RBFOX1: variants seen among roughly 807,000 people sequenced by gnomAD.
RBFOX1 encodes the protein RNA binding protein fox-1 homolog 1.
A neutral mutation model predicts 57.7 loss-of-function variants in RBFOX1; 8 were observed. That is an observed-to-expected ratio of 0.14 (90% CI 0.08 to 0.25). The LOEUF is 0.25. RBFOX1 is among the 10% of genes least tolerant of loss of function. RBFOX1 has a pLI of 1.00. For synonymous variants in RBFOX1, 326 were observed against 222.4 expected (o/e 1.47, Z -4.15); for missense variants, 611 against 548.5 (o/e 1.11, Z -1.14).
At chr16:6,333,301 C>T (rs1440950894) in intron 2 of RBFOX1, among the ~76,000 whole-genome samples, 2 of 152,192 alleles carry the variant, frequency 1.3e-5, no homozygotes. Context: ...TGCCTCAGCA[C>T]CCCAAAGCGC....
intron 1 of RBFOX1, among the ~76,000 whole-genome samples, chr16:6,270,476 C>G: frequency 8.1e-6 from 1 of 123,558 alleles, no homozygotes; most frequent in African/African-American, 3.0e-5. Context: ...AAAAAAAAAA[C>G]AACTAGAAAT....
intron 2 of RBFOX1, among the ~76,000 whole-genome samples, chr16:5,505,129 T>A (rs1046743248): frequency 6.6e-6 from 1 of 152,288 alleles, no homozygotes; most frequent in South Asian, 2.1e-4. Context: ...GAGTTATAGC[T>A]CAGTAAAGCT....
intron 4 of RBFOX1, among the ~76,000 whole-genome samples, chr16:7,113,290 C>A (rs2065182002): frequency 1.3e-5 from 2 of 152,092 alleles, no homozygotes; most frequent in South Asian, 4.2e-4. Flanking sequence ...AAGAGTAATG[C>A]TCTATAGTTT....
intron 4 of RBFOX1, among the ~76,000 whole-genome samples, chr16:5,969,395 T>C (rs1249894035): frequency 2.8e-5 from 4 of 142,682 alleles, no homozygotes; most frequent in African/African-American, 1.0e-4. Context: ...CACTGCAACC[T>C]CTGCCTTCTG....
At chr16:6,091,180 C>T (rs2096167273) in intron 1 of RBFOX1, among the ~76,000 whole-genome samples, 2 of 152,176 alleles carry the variant, frequency 1.3e-5, no homozygotes, top group African/African-American at 4.8e-5. Context: ...GGTTTGCACC[C>T]ATTAACCGAT....
At chr16:6,546,900 G>T (rs1056138635) in intron 2 of RBFOX1, among the ~76,000 whole-genome samples, 1 of 152,146 alleles carries the variant, frequency 6.6e-6, no homozygotes, top group African/African-American at 2.4e-5. Context: ...TGCTTGGTTT[G>T]TGGACCACAC....
intron 2 of RBFOX1, among the ~76,000 whole-genome samples, chr16:6,633,854 A>T (rs1244821948): frequency 6.6e-6 from 1 of 152,124 alleles, no homozygotes; most frequent in Non-Finnish European, 1.5e-5. Flanking sequence ...TAAAAAAATA[A>T]AAATAAATTA....
At chr16:7,495,757 C>G (rs1195378983) in intron 4 of RBFOX1, among the ~76,000 whole-genome samples, 1 of 152,194 alleles carries the variant, frequency 6.6e-6, no homozygotes, top group Non-Finnish European at 1.5e-5. Context: ...GTACAGTACA[C>G]ACTGCTTGGG....
At chr16:5,754,180 G>A (rs966147802) in intron 3 of RBFOX1, among the ~76,000 whole-genome samples, 2 of 152,174 alleles carry the variant, frequency 1.3e-5, no homozygotes, top group African/African-American at 4.8e-5. Flanking sequence ...GAATAGTTTT[G>A]AATCCCACCT....
At chr16:5,685,227 C>G (rs1161728947) in intron 3 of RBFOX1, among the ~76,000 whole-genome samples, 1 of 152,148 alleles carries the variant, frequency 6.6e-6, no homozygotes, top group Non-Finnish European at 1.5e-5. Flanking sequence ...ATATTATTGG[C>G]TTTTTTGATA....
At chr16:7,478,587 A>G (rs996541149) in intron 4 of RBFOX1, among the ~76,000 whole-genome samples, 4 of 152,168 alleles carry the variant, frequency 2.6e-5, no homozygotes, top group African/African-American at 9.7e-5. Context: ...TCACAGTGAG[A>G]TGATTTCTGA....
At chr16:7,266,495 C>G (rs560921911) in intron 4 of RBFOX1, among the ~76,000 whole-genome samples, 2 of 152,162 alleles carry the variant, frequency 1.3e-5, no homozygotes, top group South Asian at 4.1e-4. Flanking sequence ...ATAAATTACT[C>G]AGTCTCTGGT....
At chr16:7,253,619 G>A (rs888381143) in intron 4 of RBFOX1, among the ~76,000 whole-genome samples, 1 of 151,928 alleles carries the variant, frequency 6.6e-6, no homozygotes, top group Admixed American at 6.6e-5. Flanking sequence ...TCCTTTTTCT[G>A]TTCAGCTCAT....
At chr16:7,009,887 C>G (rs921924350) in intron 3 of RBFOX1, among the ~76,000 whole-genome samples, 5 of 152,098 alleles carry the variant, frequency 3.3e-5, no homozygotes, top group African/African-American at 1.2e-4. Flanking sequence ...ATTTTGGTGC[C>G]GTTTAGCTGT....
chr16:7,700,133 C>T (rs781116801), intron 14 of RBFOX1, among the ~76,000 whole-genome samples: 2 of 152,052 alleles, frequency 1.3e-5, no homozygotes, highest in African/African-American at 2.4e-5. Context: ...GTACATAAGA[C>T]TTTGGATCAT....
At chr16:5,272,091 A>C (rs1259309818) in intron 1 of RBFOX1, among the ~76,000 whole-genome samples, 1 of 152,140 alleles carries the variant, frequency 6.6e-6, no homozygotes, top group Non-Finnish European at 1.5e-5. Context: ...ACATATTGAC[A>C]TCAATTTTTT....
chr16:5,703,047 G>C (rs1181056632), intron 3 of RBFOX1, among the ~76,000 whole-genome samples: 1 of 152,272 alleles, frequency 6.6e-6, no homozygotes. Flanking sequence ...AATATGTCCT[G>C]TGTGCTGGAG....
chr16:5,249,075 C>T (rs1179745510), intron 1 of RBFOX1, among the ~76,000 whole-genome samples: 6 of 151,276 alleles, frequency 4.0e-5, no homozygotes, highest in Admixed American at 1.3e-4. Context: ...CTTAAAGGCA[C>T]GGAAGAGGAA....
intron 3 of RBFOX1, among the ~76,000 whole-genome samples, chr16:6,743,936 G>A (rs865920259): frequency 1.2e-4 from 18 of 151,068 alleles, no homozygotes; most frequent in African/African-American, 4.4e-4. Flanking sequence ...TGATTTTCCA[G>A]TTTTTCATTT....
Sources: allele counts gnomAD v4.1 joint callset (sites outside exome capture counted in the v4.1 genomes callset), GRCh38; gene constraint gnomAD v4.1.1; transcripts MANE v1.5; gene names NCBI Gene and HGNC (gene_info 2026-07-23, HGNC 2026-07-21).